ARHGEF37: variants seen among roughly 807,000 people sequenced by gnomAD.
ARHGEF37 encodes the protein Rho guanine nucleotide exchange factor 37, also known as Rho guanine nucleotide exchange factor (GEF) 37.
In ARHGEF37, 55 loss-of-function variants were observed where a neutral mutation model predicts 71.1. The ratio of observed to expected loss-of-function variants is 0.77; its 90% CI spans 0.62 to 0.97. The LOEUF (loss-of-function observed/expected upper bound fraction) is 0.97. ARHGEF37 is among the 50% of genes least tolerant of loss of function. The probability of loss-of-function intolerance (pLI) is 0.00; values close to 1 mark genes in which losing one functional copy is unlikely to be tolerated. For missense variants in ARHGEF37, 765 were observed against 836.8 expected (o/e 0.91, Z 1.06); for synonymous variants, 327 against 350.6 (o/e 0.93, Z 0.75).
chr5:149,577,732 A>C (rs538614790), upstream of ARHGEF37, among the ~76,000 whole-genome samples: 1 of 152,358 alleles, frequency 6.6e-6, no homozygotes, highest in East Asian at 1.9e-4. Flanking sequence ...GATGACTTCC[A>C]TGTGGACATT....
At chr5:149,574,159 G>C (rs765168822) in intron 1 of ARHGEF37, among the ~76,000 whole-genome samples, 1 of 152,216 alleles carries the variant, frequency 6.6e-6, no homozygotes, top group Non-Finnish European at 1.5e-5. Flanking sequence ...CCTTGAGACT[G>C]TATTCCAAGG....
At chr5:149,578,636 G>A (rs1763052777), upstream of ARHGEF37, among the ~76,000 whole-genome samples, 1 of 152,178 alleles carries the variant, frequency 6.6e-6, no homozygotes, top group Non-Finnish European at 1.5e-5. Context: ...ACTGGCACAT[G>A]TATTTTCTTT....
chr5:149,626,845 G>A (rs7732601), intron 10 of ARHGEF37: 37,418 of 391,082 alleles, frequency 0.096, 2,505 homozygotes, highest in African/African-American at 0.23. Context: ...AACTTGAATT[G>A]GAATTTTAGA....
At chr5:149,585,435 C>A (rs183096767) in intron 1 of ARHGEF37, among the ~76,000 whole-genome samples, 1 of 152,326 alleles carries the variant, frequency 6.6e-6, no homozygotes, top group East Asian at 1.9e-4. Context: ...TGTATTGATA[C>A]ATGCTTCCAT....
At chr5:149,581,651 G>A (rs1763109936) in intron 1 of ARHGEF37, 27 bp downstream of exon 1, 3 of 152,206 alleles carry the variant, frequency 2.0e-5, no homozygotes. Context: ...TTTGGGGCCT[G>A]GTCAAGCAGG....
intron 1 of ARHGEF37, among the ~76,000 whole-genome samples, chr5:149,585,953 T>C (rs753097539): frequency 6.6e-6 from 1 of 152,258 alleles, no homozygotes; most frequent in Non-Finnish European, 1.5e-5. Flanking sequence ...AACAATGTCA[T>C]TGACAATTTG....
At chr5:149,625,694 C>G (rs778296159) in intron 10 of ARHGEF37, among the ~76,000 whole-genome samples, 3 of 152,190 alleles carry the variant, frequency 2.0e-5, no homozygotes, top group African/African-American at 7.2e-5. Context: ...GGAGAGAGCA[C>G]GGGTGCAGAG....
intron 1 of ARHGEF37, among the ~76,000 whole-genome samples, chr5:149,575,886 C>A (rs78711777): frequency 2.6e-5 from 4 of 151,536 alleles, no homozygotes; most frequent in Admixed American, 6.6e-5. Flanking sequence ...CCGTCCCCCC[C>A]CTCAAAAAAT....
intron 1 of ARHGEF37, among the ~76,000 whole-genome samples, chr5:149,590,457 T>G (rs1763370042): frequency 6.6e-6 from 1 of 151,936 alleles, no homozygotes; most frequent in Non-Finnish European, 1.5e-5. Flanking sequence ...AATTTTTGTA[T>G]TTTTAGTAGA....
chr5:149,583,421 C>T (rs1480322954), intron 1 of ARHGEF37, among the ~76,000 whole-genome samples: 3 of 152,350 alleles, frequency 2.0e-5, no homozygotes, highest in Admixed American at 1.3e-4. Context: ...CAGGCGTGAG[C>T]CACTGTGCCT....
chr5:149,628,908 G>T lies in ARHGEF37; in HGVS notation c.1760G>T (p.Arg587Leu). 2 of 1,613,388 alleles carry T rather than the reference G, an allele frequency of 1.2e-6. No homozygotes were observed. Among genetic ancestry groups the T allele is most frequent in the Non-Finnish European group, 1.7e-6 (2 of 1,180,012 alleles). Residue 587 changes from arginine to leucine, a missense_variant, in exon 12 of 13, where the codon CGA (arginine) becomes CTA (leucine). Transcript: ENST00000333677. ...RRQAGLNKDP[R>L]CLTPEPSPAL... ...CAGGCGGGGCTGAACAAAGACCCCC[G>T]ATGTCTAACACCGGAGCCCAGCCCA... is the stretch of plus-strand genomic sequence containing the variant.
At chr5:149,605,235 AAAAAAAGAAAAG>A (rs1371964576) in intron 3 of ARHGEF37, among the ~76,000 whole-genome samples, 1 of 151,218 alleles carries the variant, frequency 6.6e-6, no homozygotes, top group African/African-American at 2.5e-5. Context: ...TCAAAAAAAA[AAAAAAAGAAAAG>A]AAAAAAAGAA....
chr5:149,600,588 T>C (rs1357854252), intron 2 of ARHGEF37, among the ~76,000 whole-genome samples: 2 of 151,972 alleles, frequency 1.3e-5, no homozygotes, highest in Non-Finnish European at 2.9e-5. Flanking sequence ...CAGCTTTTCT[T>C]CCCCACTGAG....
chr5:149,589,329 T>C (rs1763329818), intron 1 of ARHGEF37, among the ~76,000 whole-genome samples: 1 of 151,974 alleles, frequency 6.6e-6, no homozygotes, highest in Non-Finnish European at 1.5e-5. Flanking sequence ...GTTTTATTAA[T>C]TAATTAATTA....
Position 149,631,983 on chromosome 5 carries a change from T to A in ARHGEF37, c.1820T>A (p.Val607Asp), listed in dbSNP as rs1371345198. The A allele has an allele frequency of 6.2e-7, 1 of 1,614,112 alleles. No homozygotes were observed. Among genetic ancestry groups the A allele is most frequent in the South Asian group, 1.1e-5 (1 of 91,070 alleles). ...TGTGTCACTCCCCATGTGTTTCAGG[T>A]CATAGCCGCGTACCCTTTTGTGGCC... ...LVPSIPTMNQ[V>D]IAAYPFVARS... Residue 607 changes from valine to aspartate, a missense_variant and splice_region_variant, in exon 13 of 13, where the codon GTC becomes GAC. Around this residue, in one of 5 missense-constraint regions of ARHGEF37, gnomAD observed 390 missense variants for 407.4 expected, o/e 0.96. Coordinates refer to ENST00000333677, the MANE Select transcript of ARHGEF37 (RefSeq NM_001001669.3).
chr5:149,604,139 G>A (rs886370042), intron 3 of ARHGEF37, among the ~76,000 whole-genome samples: 1 of 152,148 alleles, frequency 6.6e-6, no homozygotes, highest in Non-Finnish European at 1.5e-5. Context: ...GAGGTTCCTT[G>A]TAAAGGTCTT....
intron 8 of ARHGEF37, among the ~76,000 whole-genome samples, chr5:149,621,495 A>G (rs1752538850): frequency 6.6e-6 from 1 of 152,144 alleles, no homozygotes; most frequent in South Asian, 2.1e-4. Context: ...TCAAAGTGCT[A>G]TATAAGATTG....
At chr5:149,601,358 T>A in intron 3 of ARHGEF37, 127 bp downstream of exon 3, 1 of 1,167,422 alleles carries the variant, frequency 8.6e-7, no homozygotes, top group Non-Finnish European at 1.2e-6. Flanking sequence ...GTTTTGGGGA[T>A]CTCCAAAACA....
chr5:149,582,802 TAAAA>T (rs559381745), intron 1 of ARHGEF37, among the ~76,000 whole-genome samples: 1 of 147,482 alleles, frequency 6.8e-6, no homozygotes, highest in African/African-American at 2.5e-5. Context: ...TTTAATTAAT[TAAAA>T]AAAAAAGTGA....
Sources: gnomAD v4.1 joint callset for allele counts (sites outside exome capture counted in the v4.1 genomes callset) on GRCh38, gnomAD v4.1.1 for gene constraint, gnomAD v4.1.1 regional missense constraint, MANE v1.5 for transcripts, NCBI Gene and HGNC (gene_info 2026-07-23, HGNC 2026-07-21) for gene names.